POT1: variants seen among roughly 807,000 people sequenced by gnomAD.
POT1 encodes the protein protection of telomeres 1.
In POT1, 47 loss-of-function variants were observed where a neutral mutation model predicts 78.5. The observed-to-expected ratio is 0.60, with a 90% confidence interval of 0.47 to 0.76. The LOEUF is 0.76. Among genes scored for constraint, POT1 ranks in the 30% least tolerant of loss-of-function variants. The pLI, the probability that POT1 is intolerant of heterozygous loss-of-function variation, is 0.00. For synonymous variants in POT1, 259 were observed against 260.7 expected (o/e 0.99, Z 0.06); for missense variants, 646 against 749.9 (o/e 0.86, Z 1.62).
In POT1 at chr7:124,835,364, T is replaced by C. The variant is rs1404658319; in HGVS notation, c.1420A>G (p.Ile474Val). 1.9e-6 allele frequency: 3 copies of C among 1,613,950 alleles called. No homozygotes were observed. In the East Asian group the frequency reaches 6.7e-5, roughly 36 times the overall value. ...CKLSNKFNSV[I>V]PVRSGHEDLE... ...TCTTCGTGGCCAGATCTCACAGGAA[T>C]TACACTATTAAACTTGTTCGAGAGT... is the stretch of plus-strand genomic sequence containing the variant. Residue 474 changes from isoleucine to valine, a missense_variant, in exon 15 of 19, where the codon ATT (isoleucine) becomes GTT (valine). Ile to Val is a conservative substitution (Grantham distance 29, BLOSUM62 3). Around this residue, in one of 2 missense-constraint regions of POT1, gnomAD observed 394 missense variants for 408.4 expected, o/e 0.96. Transcript: ENST00000357628.
chr7:124,838,910 T>A (rs139098498), intron 14 of POT1, among the ~76,000 whole-genome samples: 2,031 of 152,224 alleles, frequency 0.013, 50 homozygotes, highest in African/African-American at 0.047. Flanking sequence ...CAGCTGGCAA[T>A]CTTAATAAAA....
rs1313431059 is a variant in POT1, at chr7:124,913,015, G to A, written c.-154+2559C>T. Among the ~76,000 whole-genome samples, 5 of 152,308 alleles carry A rather than the reference G, an allele frequency of 3.3e-5. No homozygotes were observed. The East Asian group carries it at 5.8e-4, about 18-fold the overall frequency. ...CATAATCAAGGCGGAAGGCAAGGAA[G>A]AGCAAGTCACATCTCATGTGGATGG... On this transcript the variant is annotated intron_variant, in intron 3 of 18. Transcript: ENST00000357628.
intron 14 of POT1, among the ~76,000 whole-genome samples, chr7:124,838,499 C>T (rs1378183959): frequency 6.6e-6 from 1 of 151,764 alleles, no homozygotes; most frequent in African/African-American, 2.4e-5. Context: ...CTATAAAACC[C>T]TAGTTAAAGG....
chr7:124,882,514 A>G (rs1796142986), intron 6 of POT1, among the ~76,000 whole-genome samples: 1 of 152,036 alleles, frequency 6.6e-6, no homozygotes, highest in South Asian at 2.1e-4. Context: ...GAAAGAATAT[A>G]TGTTATGATA....
At chr7:124,885,383 G>A (rs562681809) in intron 6 of POT1, among the ~76,000 whole-genome samples, 2 of 152,174 alleles carry the variant, frequency 1.3e-5, no homozygotes, top group East Asian at 3.9e-4. Flanking sequence ...TGAGGTGGGA[G>A]GATTGCTTGA....
chr7:124,876,252 CT>C (rs2116582911), intron 6 of POT1, among the ~76,000 whole-genome samples: 1 of 152,190 alleles, frequency 6.6e-6, no homozygotes, highest in South Asian at 2.1e-4. Context: ...TGTTTATATC[CT>C]TTTTATAATC....
At chr7:124,841,488 C>T (rs1174727621) in intron 13 of POT1, among the ~76,000 whole-genome samples, 1 of 151,708 alleles carries the variant, frequency 6.6e-6, no homozygotes, top group East Asian at 1.9e-4. Context: ...TTTTTTTCTC[C>T]TCTGTAAAGA....
intron 12 of POT1, 153 bp from the exon 13 acceptor site, chr7:124,843,116 G>T: frequency 1.9e-6 from 1 of 522,404 alleles, no homozygotes. Context: ...ATTCCCTGAT[G>T]TATACCCAAG....
At chr7:124,886,686 G>A (rs910046674) in intron 6 of POT1, among the ~76,000 whole-genome samples, 10 of 152,068 alleles carry the variant, frequency 6.6e-5, no homozygotes, top group Admixed American at 3.9e-4. Context: ...TTTTTACTAC[G>A]GGACTGCAGT....
Position 124,863,540 on chromosome 7 carries a change from G to C in POT1, c.356C>G (p.Ser119Ter). The change falls in exon 8 of 19, where the codon TCA becomes TGA. Residue 119 changes from serine to a stop codon, truncating the protein, a stop_gained. Coordinates refer to ENST00000357628, the MANE Select transcript of POT1 (RefSeq NM_015450.3). LOFTEE classifies it high-confidence loss of function. ...AGTAGTGAAGTTAAAATACTTGCTT[G>C]AAGTGCGAGGTATGATAGGGGCTCC... is the stretch of plus-strand genomic sequence containing the variant. ...TLGAPIIPRT[S>*]SKYFNFTTED... 1 of 1,613,928 alleles carries C rather than the reference G, an allele frequency of 6.2e-7. No homozygotes were observed. The highest frequency in any genetic ancestry group is 8.5e-7 in the Non-Finnish European group (1 of 1,179,874).
intron 6 of POT1, among the ~76,000 whole-genome samples, chr7:124,874,490 T>C (rs77718560): frequency 1.1e-4 from 17 of 151,946 alleles, no homozygotes; most frequent in African/African-American, 3.9e-4. Flanking sequence ...TCCTAGCACT[T>C]TGGGAGGCCG....
intron 14 of POT1, among the ~76,000 whole-genome samples, chr7:124,839,603 A>C (rs1190647496): frequency 6.6e-6 from 1 of 152,218 alleles, no homozygotes; most frequent in Non-Finnish European, 1.5e-5. Flanking sequence ...TATAATACTT[A>C]GAAACATAAA....
At chr7:124,850,784 C>A (rs994282841) in intron 11 of POT1, among the ~76,000 whole-genome samples, 8 of 151,832 alleles carry the variant, frequency 5.3e-5, no homozygotes, top group Non-Finnish European at 8.8e-5. Context: ...ATAATAATGC[C>A]TGCAGGCACT....
At chr7:124,883,107 G>A (rs1255527997) in intron 6 of POT1, among the ~76,000 whole-genome samples, 3 of 151,894 alleles carry the variant, frequency 2.0e-5, no homozygotes, top group Non-Finnish European at 4.4e-5. Flanking sequence ...TAAGCATCTG[G>A]GAAGAGTCTC....
intron 11 of POT1, among the ~76,000 whole-genome samples, chr7:124,847,263 G>A (rs1254854754): frequency 6.6e-6 from 1 of 152,206 alleles, no homozygotes; most frequent in African/African-American, 2.4e-5. Flanking sequence ...GGAGGACTGA[G>A]GTGGGCAGAT....
chr7:124,839,968 T>G (rs1036957402), intron 14 of POT1, among the ~76,000 whole-genome samples: 1 of 151,684 alleles, frequency 6.6e-6, no homozygotes, highest in Non-Finnish European at 1.5e-5. Flanking sequence ...CTCAGTGTTG[T>G]ACATTCTATG....
At chr7:124,899,488 C>T (rs10236403) in intron 3 of POT1, among the ~76,000 whole-genome samples, 90,985 of 151,250 alleles carry the variant, frequency 0.6, 27,443 homozygotes, top group African/African-American at 0.65. Flanking sequence ...TATATTTCTC[C>T]GAAACCTTTT....
rs1260196051 is a variant in POT1, at chr7:124,823,985, T to C, written c.1882A>G (p.Thr628Ala). ...NQICYQIFDT[T>A]VAEDVI ...TATTAGATTACATCTTCTGCAACTG[T>C]GGTGTCAAAAATCTGATAGCAAATT... The change falls in exon 19 of 19, where the codon ACA becomes GCA. Residue 628 changes from threonine (T) to alanine (A), a missense_variant. By Grantham distance (58) the Thr-to-Ala change is moderately conservative (BLOSUM62 0). Transcript: ENST00000357628. 6.3e-7 allele frequency: 1 copy of C among 1,590,184 alleles called. No individual in the cohort carries two copies. The highest frequency in any genetic ancestry group is 1.7e-5 in the Admixed American group (1 of 59,626).
At chr7:124,919,014 T>G (rs956759908) in intron 2 of POT1, among the ~76,000 whole-genome samples, 10 of 152,170 alleles carry the variant, frequency 6.6e-5, no homozygotes, top group African/African-American at 1.7e-4. Context: ...CTGAAAAATG[T>G]GTTGTCAGGC....
Sources: gnomAD v4.1 joint callset for allele counts (sites outside exome capture counted in the v4.1 genomes callset) on GRCh38, gnomAD v4.1.1 for gene constraint, gnomAD v4.1.1 regional missense constraint, MANE v1.5 for transcripts, NCBI Gene and HGNC (gene_info 2026-07-23, HGNC 2026-07-21) for gene names.